Variants in CCDC150 observed in about 807,000 individuals in gnomAD.
CCDC150 encodes coiled-coil domain containing 150, also known as coiled-coil domain-containing protein 150.
In CCDC150, 151 loss-of-function variants were observed where a neutral mutation model predicts 156.5. The ratio of observed to expected loss-of-function variants is 0.97; its 90% CI spans 0.85 to 1.10. The LOEUF is 1.10. Ranked by LOEUF, CCDC150 falls within the 50% of genes least tolerant of loss-of-function variation. CCDC150 has a pLI of 0.00. For synonymous variants in CCDC150, 452 were observed against 429.4 expected (o/e 1.05, Z -0.65); for missense variants, 1,312 against 1,268.1 (o/e 1.03, Z -0.53).
intron 14 of CCDC150, among the ~76,000 whole-genome samples, chr2:196,697,299 GT>G (rs968411288): frequency 1.3e-5 from 2 of 151,872 alleles, no homozygotes; most frequent in African/African-American, 4.8e-5. Context: ...AATTTCAGGG[GT>G]TTTTTTTGTT....
At chr2:196,700,746 A>G (rs777540403) in intron 14 of CCDC150, among the ~76,000 whole-genome samples, 2 of 152,132 alleles carry the variant, frequency 1.3e-5, no homozygotes, top group Non-Finnish European at 2.9e-5. Flanking sequence ...TGCAGCTGCT[A>G]TTTCCGTAAA....
At chr2:196,726,280 C>G in intron 22 of CCDC150, 181 bp downstream of exon 22, 1 of 565,974 alleles carries the variant, frequency 1.8e-6, no homozygotes, top group Non-Finnish European at 3.0e-6. Flanking sequence ...TGACATAATT[C>G]TCTGCCCGAC....
At chr2:196,656,905 T>C in intron 3 of CCDC150, 52 bp downstream of exon 3, 2 of 1,611,084 alleles carry the variant, frequency 1.2e-6, no homozygotes, top group Non-Finnish European at 1.7e-6. Flanking sequence ...TGCTTGATTT[T>C]CTTTACTGAC....
At chr2:196,686,859 A>C (rs1402918996) in intron 13 of CCDC150, among the ~76,000 whole-genome samples, 4 of 152,112 alleles carry the variant, frequency 2.6e-5, no homozygotes, top group Non-Finnish European at 4.4e-5. Flanking sequence ...GAGAACATGC[A>C]ACATTTGGTT....
At chr2:196,712,767 C>A in intron 17 of CCDC150, 28 bp downstream of exon 17, 2 of 1,547,052 alleles carry the variant, frequency 1.3e-6, no homozygotes, top group Non-Finnish European at 8.9e-7. Context: ...GCTTACTTGT[C>A]AGCATGGTGG....
chr2:196,701,181 G>T lies in CCDC150; in HGVS notation c.1695+1G>T. The T allele has an allele frequency of 6.4e-7, 1 of 1,569,660 alleles. No homozygotes were observed. The highest frequency in any genetic ancestry group is 1.2e-5 in the South Asian group (1 of 84,436). ...GGCCTATGAAAACGGAAAACTCCAGGTATGAGATTTATTTTCTGATTTTTC... is the reference window on the plus strand; with the variant it reads ...GGCCTATGAAAACGGAAAACTCCAGTTATGAGATTTATTTTCTGATTTTTC... On this transcript the variant is annotated splice_donor_variant, in intron 15 of 27. Transcript: ENST00000389175. LOFTEE classifies it high-confidence loss of function.
chr2:196,713,294 G>T (rs1697261474), intron 17 of CCDC150: 2 of 1,423,252 alleles, frequency 1.4e-6, no homozygotes, highest in Non-Finnish European at 1.8e-6. Context: ...CTAGTAAAGG[G>T]GCTATTCCTT....
intron 1 of CCDC150, 55 bp from the exon 2 acceptor site, chr2:196,646,286 C>G: frequency 6.6e-7 from 1 of 1,524,790 alleles, no homozygotes; most frequent in Non-Finnish European, 9.1e-7. Context: ...ATGGCAGTGA[C>G]TATTTTTGAA....
chr2:196,677,191 G>A, intron 12 of CCDC150, 102 bp from the exon 13 acceptor site: 3 of 776,468 alleles, frequency 3.9e-6, no homozygotes, highest in Non-Finnish European at 4.5e-6. Context: ...TATCTCTGCA[G>A]TGTAGGTATT....
intron 20 of CCDC150, 86 bp from the exon 21 acceptor site, chr2:196,721,436 A>C (rs1282571788): frequency 1.0e-5 from 10 of 982,728 alleles, no homozygotes; most frequent in African/African-American, 4.0e-5. Flanking sequence ...ACTTGATGAT[A>C]GAATGTGAGG....
intron 2 of CCDC150, among the ~76,000 whole-genome samples, chr2:196,649,129 T>C (rs9678912): frequency 0.66 from 100,921 of 152,096 alleles, 34,316 homozygotes; most frequent in East Asian, 0.92. Flanking sequence ...GGGTCTTTTG[T>C]GGTTCCATAT....
intron 7 of CCDC150, 61 bp downstream of exon 7, chr2:196,666,909 C>T (rs1336016538): frequency 4.4e-6 from 7 of 1,579,158 alleles, no homozygotes; most frequent in African/African-American, 1.3e-5. Flanking sequence ...CATGGAAAAA[C>T]TCTTAAGATC....
chr2:196,646,509 C>T lies in CCDC150; in HGVS notation c.176+5C>T. 1 of 1,611,344 alleles carries T rather than the reference C, an allele frequency of 6.2e-7. No homozygotes were observed. Among genetic ancestry groups the T allele is most frequent in the Non-Finnish European group, 8.5e-7 (1 of 1,177,978 alleles). On this transcript the variant is annotated splice_donor_5th_base_variant and intron_variant, in intron 2 of 27. Transcript: ENST00000389175. ...GTTGGATTTTGGTGAAAAAAGGTAA[C>T]AAAAATGAACTACATCTCTGTAGGT...
chr2:196,715,043 G>A (rs1293784425), intron 17 of CCDC150, among the ~76,000 whole-genome samples: 1 of 152,112 alleles, frequency 6.6e-6, no homozygotes, highest in Non-Finnish European at 1.5e-5. Flanking sequence ...CTTTGTTACC[G>A]TTGGGATTAT....
Position 196,717,990 on chromosome 2 carries a change from A to G in CCDC150, c.1867-513A>G, listed in dbSNP as rs1464777750. Among the ~76,000 whole-genome samples the G allele has an allele frequency of 5.3e-5, 8 of 152,298 alleles. No individual in the cohort carries two copies. In the East Asian group the frequency reaches 1.5e-3, roughly 29 times the overall value. On this transcript the variant is annotated intron_variant, in intron 17 of 27. Coordinates refer to ENST00000389175, the MANE Select transcript of CCDC150 (RefSeq NM_001080539.2). ...TGAAGTAAAAAGTTTAAAAGGGGTAATATTTAAAATAGTATGATTATCTGA... is the reference window on the plus strand; with the variant it reads ...TGAAGTAAAAAGTTTAAAAGGGGTAGTATTTAAAATAGTATGATTATCTGA...
At chr2:196,676,356 G>A in intron 11 of CCDC150, 89 bp downstream of exon 11, 1 of 1,497,294 alleles carries the variant, frequency 6.7e-7, no homozygotes, top group African/African-American at 1.4e-5. Context: ...TATCGTCAAT[G>A]AAAACATTTG....
At chr2:196,677,729 G>T (rs190952624) in intron 13 of CCDC150, among the ~76,000 whole-genome samples, 1 of 152,174 alleles carries the variant, frequency 6.6e-6, no homozygotes, top group Admixed American at 6.5e-5. Context: ...GGTGGCTTGC[G>T]CCTGTAATCC....
At chr2:196,648,122 C>T (rs1436240811) in intron 2 of CCDC150, among the ~76,000 whole-genome samples, 1 of 152,100 alleles carries the variant, frequency 6.6e-6, no homozygotes, top group Non-Finnish European at 1.5e-5. Flanking sequence ...ATCCCTTTAA[C>T]ATACTGATTT....
chr2:196,709,447 A>G (rs1696921642), intron 15 of CCDC150, among the ~76,000 whole-genome samples: 1 of 152,102 alleles, frequency 6.6e-6, no homozygotes, highest in Non-Finnish European at 1.5e-5. Context: ...AATGGGTTCG[A>G]ACATCCTCCT....
Sources: allele counts gnomAD v4.1 joint callset (sites outside exome capture counted in the v4.1 genomes callset), GRCh38; gene constraint gnomAD v4.1.1; transcripts MANE v1.5; gene names NCBI Gene and HGNC (gene_info 2026-07-23, HGNC 2026-07-21).